The following CHEK1 variants were observed in gnomAD, a reference collection of about 807,000 sequenced individuals.
CHEK1 encodes checkpoint kinase 1.
CHEK1 carries 32 observed loss-of-function variants against 60.2 expected under a neutral mutation model. That is an observed-to-expected ratio of 0.53 (90% CI 0.40 to 0.71). The LOEUF (loss-of-function observed/expected upper bound fraction) is 0.71. Ranked by LOEUF, CHEK1 falls within the 30% of genes least tolerant of loss-of-function variation. The pLI is 0.00. For synonymous variants in CHEK1, 179 were observed against 187.2 expected (o/e 0.96, Z 0.36); for missense variants, 399 against 564.6 (o/e 0.71, Z 2.97).
chr11:125,648,572 A>G (rs1422909028), intron 11 of CHEK1, among the ~76,000 whole-genome samples: 2 of 149,036 alleles, frequency 1.3e-5, no homozygotes, highest in South Asian at 2.1e-4. Flanking sequence ...ACAGATCAAG[A>G]CTCCGTCTCA....
At chr11:125,675,606 G>C (rs1284661076) in intron 13 of CHEK1, among the ~76,000 whole-genome samples, 1 of 152,236 alleles carries the variant, frequency 6.6e-6, no homozygotes, top group Admixed American at 6.5e-5. Flanking sequence ...GTAAAGAGGT[G>C]TGGGAATATA....
At chr11:125,680,784 G>A (rs1942763256), downstream of CHEK1, 1 of 1,613,402 alleles carries the variant, frequency 6.2e-7, no homozygotes, top group Admixed American at 1.7e-5. Context: ...TGTTCATCTG[G>A]ATTTAGGAAA....
intron 7 of CHEK1, chr11:125,635,983 G>A (rs76929802): frequency 0.038 from 5,776 of 152,784 alleles, 133 homozygotes; most frequent in Middle Eastern, 0.068. Context: ...TTGATCTCAG[G>A]CTGCAAACCT....
At chr11:125,643,323 CAA>C (rs67970826) in intron 8 of CHEK1, 5 of 107,908 alleles carry the variant, frequency 4.6e-5, no homozygotes, top group East Asian at 2.6e-4. Flanking sequence ...CCTAAAAATA[CAA>C]AAAAAAAAAA....
chr11:125,660,651 TATA>T (rs1366368196), downstream of CHEK1, among the ~76,000 whole-genome samples: 2 of 152,158 alleles, frequency 1.3e-5, no homozygotes, highest in Admixed American at 1.3e-4. Flanking sequence ...TCTTTATAGA[TATA>T]ATACTTTTGC....
chr11:125,629,500 ATAATTACCTAAATTATTT>A (rs1226924136), intron 5 of CHEK1, 40 bp downstream of exon 5: 10 of 1,372,924 alleles, frequency 7.3e-6, no homozygotes, highest in Admixed American at 1.9e-5. Flanking sequence ...ATAAAATAAA[ATAATTACCTAAATTATTT>A]TAATTACCTA....
intron 13 of CHEK1, among the ~76,000 whole-genome samples, chr11:125,673,459 C>A (rs2134106136): frequency 7.1e-6 from 1 of 140,020 alleles, no homozygotes; most frequent in Admixed American, 7.2e-5. Flanking sequence ...CCTCAGCCTC[C>A]CAAAGCGCTG....
At chr11:125,664,457 A>C (rs1311855421) in intron 13 of CHEK1, among the ~76,000 whole-genome samples, 3 of 151,820 alleles carry the variant, frequency 2.0e-5, no homozygotes, top group Non-Finnish European at 4.4e-5. Flanking sequence ...CTGGTCTCGA[A>C]CTCCTGACCT....
Position 125,625,524 on chromosome 11 carries a change from A to C in CHEK1, c.-509A>C. On this transcript the variant is annotated 5_prime_UTR_variant, in exon 1 of 13. Transcript: ENST00000438015. ...TGAGGTTTACAAAGCACTCTGCTTC[A>C]CCGACTGTGATCCTCACAGTCCTGT... The C allele has an allele frequency of 1.9e-6, 1 of 515,090 alleles. No individual in the cohort carries two copies. Among genetic ancestry groups the C allele is most frequent in the Non-Finnish European group, 3.5e-6 (1 of 287,622 alleles). The allele number at this position is 515,090 out of a possible 1,614,324, so 31.9% of individuals were successfully genotyped here.
At chr11:125,677,034 C>T (rs532255294), downstream of CHEK1, among the ~76,000 whole-genome samples, 53 of 152,244 alleles carry the variant, frequency 3.5e-4, no homozygotes, top group African/African-American at 8.4e-4. Flanking sequence ...ACTGCTAATC[C>T]CCCAGTTTGG....
intron 13 of CHEK1, among the ~76,000 whole-genome samples, chr11:125,668,503 T>A (rs915213406): frequency 6.6e-6 from 1 of 152,198 alleles, no homozygotes; most frequent in African/African-American, 2.4e-5. Flanking sequence ...GGGGGTTTTT[T>A]AAAATTTCAT....
chr11:125,633,630 A>G (rs1177029523), intron 6 of CHEK1, among the ~76,000 whole-genome samples: 3 of 152,070 alleles, frequency 2.0e-5, no homozygotes, highest in Non-Finnish European at 4.4e-5. Context: ...TTAAAAATTC[A>G]TTGTAGAGAT....
At chr11:125,652,540 T>C (rs1226211208) in intron 11 of CHEK1, among the ~76,000 whole-genome samples, 1 of 152,216 alleles carries the variant, frequency 6.6e-6, no homozygotes. Context: ...TTTGTTGCTA[T>C]GAGTTCATAT....
Position 125,648,457 on chromosome 11 carries a change from C to T in CHEK1, c.1233+3814C>T, listed in dbSNP as rs1323949303. 3.3e-5 allele frequency among the ~76,000 whole-genome samples: 5 copies of T among 151,850 alleles called. No individual in the cohort carries two copies. The East Asian group carries it at 7.8e-4, about 24-fold the overall frequency. ...ATTAGCTGGGCGTGGTTGCGGGCAC[C>T]GGTAATCCCAGCTACTCGGGAGGCT... On this transcript the variant is annotated intron_variant, in intron 11 of 12. Transcript: ENST00000438015.
chr11:125,676,246 G>T (rs1039923932), exon 14 of CHEK1: 15 of 1,357,704 alleles, frequency 1.1e-5, no homozygotes, highest in Non-Finnish European at 1.3e-5. Flanking sequence ...ATAAAGTTCT[G>T]AATCTTCAAG....
intron 8 of CHEK1, among the ~76,000 whole-genome samples, chr11:125,640,237 C>T (rs1941233405): frequency 6.6e-6 from 1 of 152,172 alleles, no homozygotes; most frequent in Non-Finnish European, 1.5e-5. Flanking sequence ...CAGAAGTAAA[C>T]AATTCATCAA....
downstream of CHEK1, among the ~76,000 whole-genome samples, chr11:125,679,171 T>C (rs890534489): frequency 6.7e-6 from 1 of 150,176 alleles, no homozygotes; most frequent in Non-Finnish European, 1.5e-5. Flanking sequence ...TCTTACATGG[T>C]TATTTTTTTC....
chr11:125,628,300 A>G (rs575245771), intron 3 of CHEK1, among the ~76,000 whole-genome samples: 17 of 152,190 alleles, frequency 1.1e-4, no homozygotes, highest in East Asian at 1.9e-4. Flanking sequence ...AGTAAATTCT[A>G]TGTTTGCTAT....
chr11:125,675,685 A>G (rs1942468675), intron 13 of CHEK1, among the ~76,000 whole-genome samples: 1 of 152,138 alleles, frequency 6.6e-6, no homozygotes, highest in African/African-American at 2.4e-5. Flanking sequence ...TCCATTCAAT[A>G]TTTACTAAAT....
Sources: allele counts gnomAD v4.1 joint callset (sites outside exome capture counted in the v4.1 genomes callset), GRCh38; gene constraint gnomAD v4.1.1; transcripts MANE v1.5; gene names NCBI Gene and HGNC (gene_info 2026-07-23, HGNC 2026-07-21).